NTM: variants seen among roughly 807,000 people sequenced by gnomAD.
NTM encodes IgLON family member 2.
Under a neutral mutation model 42.1 loss-of-function variants are expected in NTM, and 13 were observed. The ratio of observed to expected loss-of-function variants is 0.31; its 90% CI spans 0.20 to 0.49. NTM has a LOEUF of 0.49. NTM is among the 20% of genes least tolerant of loss of function. The pLI, the probability that NTM is intolerant of heterozygous loss-of-function variation, is 0.99. For synonymous variants in NTM, 187 were observed against 179.2 expected (o/e 1.04, Z -0.35); for missense variants, 373 against 452.8 (o/e 0.82, Z 1.60).
chr11:131,672,804 C>T (rs959571067), intron 1 of NTM, among the ~76,000 whole-genome samples: 4 of 150,382 alleles, frequency 2.7e-5, no homozygotes, highest in Admixed American at 6.7e-5. Context: ...AAAGGCTTTG[C>T]GATAAGTTCT....
At position 131,438,680 on chromosome 11, in the gene NTM, G is replaced by A. The variant is rs551496986; in HGVS notation, c.82+67792G>A. On this transcript the variant is annotated intron_variant, in intron 1 of 8. Transcript: ENST00000683400. The stretch of plus-strand genomic sequence containing the variant: ...CACTGTTTATTGTAGTTAGCCATTC[G>A]TCTAATCTTTTTTCAAGGTTTTTAG... 5.1e-4 allele frequency among the ~76,000 whole-genome samples: 77 copies of A among 152,238 alleles called. No individual in the cohort carries two copies. The South Asian group carries it at 7.5e-3, about 15-fold the overall frequency.
At chr11:131,393,053 C>G (rs991137657) in intron 1 of NTM, among the ~76,000 whole-genome samples, 16 of 152,146 alleles carry the variant, frequency 1.1e-4, no homozygotes, top group African/African-American at 3.9e-4. Context: ...CACACCACTC[C>G]CCTGCCGTCA....
chr11:131,379,522 C>A (rs191830573), intron 1 of NTM, among the ~76,000 whole-genome samples: 1 of 152,300 alleles, frequency 6.6e-6, no homozygotes, highest in African/African-American at 2.4e-5. Context: ...GCAATTGAAT[C>A]AACCTCTGTA....
chr11:131,486,924 A>AG (rs1954237643), intron 1 of NTM, among the ~76,000 whole-genome samples: 1 of 152,228 alleles, frequency 6.6e-6, no homozygotes, highest in Non-Finnish European at 1.5e-5. Context: ...GCCCAGAAAG[A>AG]GCCAGAGTGG....
intron 1 of NTM, among the ~76,000 whole-genome samples, chr11:131,883,997 C>T (rs1469195321): frequency 6.6e-6 from 1 of 152,186 alleles, no homozygotes; most frequent in Admixed American, 6.5e-5. Context: ...TTAATAGTTA[C>T]TGAATCCTTA....
intron 7 of NTM, among the ~76,000 whole-genome samples, chr11:132,318,815 G>T (rs559070258): frequency 6.6e-6 from 1 of 152,208 alleles, no homozygotes; most frequent in South Asian, 2.1e-4. Context: ...TTCTGGCCTT[G>T]CAAACTGTCA....
chr11:132,005,661 C>G (rs1182687020), intron 2 of NTM, among the ~76,000 whole-genome samples: 2 of 152,138 alleles, frequency 1.3e-5, no homozygotes, highest in Non-Finnish European at 2.9e-5. Context: ...TCATATCCTA[C>G]CATCCAACAT....
chr11:131,922,456 C>T (rs993701719), intron 2 of NTM, among the ~76,000 whole-genome samples: 1 of 152,240 alleles, frequency 6.6e-6, no homozygotes, highest in African/African-American at 2.4e-5. Flanking sequence ...GGACCACGGC[C>T]AGCTACTCCA....
At chr11:131,779,473 C>G (rs11222788) in intron 1 of NTM, among the ~76,000 whole-genome samples, 25,025 of 152,066 alleles carry the variant, frequency 0.16, 2,632 homozygotes, top group Admixed American at 0.33. Context: ...ATTTTTTAAG[C>G]ACCAGCAATA....
chr11:131,661,552 C>T (rs868009050), intron 1 of NTM, among the ~76,000 whole-genome samples: 2 of 152,124 alleles, frequency 1.3e-5, no homozygotes, highest in African/African-American at 4.8e-5. Context: ...TCTATTCCTG[C>T]CTGGTCGCCG....
chr11:132,207,540 G>T (rs1320928508), intron 3 of NTM, among the ~76,000 whole-genome samples: 1 of 152,126 alleles, frequency 6.6e-6, no homozygotes, highest in African/African-American at 2.4e-5. Flanking sequence ...TAAATGTAAT[G>T]TGCTTGAATC....
Position 131,873,587 on chromosome 11 carries a change from C to T in NTM, c.83-37977C>T, listed in dbSNP as rs567833633. Among the ~76,000 whole-genome samples, 11 of 26,818 alleles carry T rather than the reference C, an allele frequency of 4.1e-4. 3 individuals carry two copies. Among genetic ancestry groups the T allele is most frequent in the Non-Finnish European group, 6.8e-4 (7 of 10,352 alleles). 17.6% of individuals were successfully genotyped at this position (26,818 alleles called of 152,430 possible). A position where few individuals can be genotyped will look rare whatever the true frequency, so the allele number is the denominator to read the frequency against. On this transcript the variant is annotated intron_variant, in intron 1 of 8. Transcript: ENST00000683400. ...CGTATATATATACATATATATATAC[C>T]GTATATATATACATATATATATACC... is the stretch of plus-strand genomic sequence containing the variant.
At chr11:132,169,429 G>A (rs2075820378) in intron 3 of NTM, among the ~76,000 whole-genome samples, 1 of 136,454 alleles carries the variant, frequency 7.3e-6, no homozygotes, top group Admixed American at 8.4e-5. Flanking sequence ...TCTGCCTCCT[G>A]GGTTCAATCA....
At chr11:131,941,257 C>G (rs2059761415) in intron 2 of NTM, among the ~76,000 whole-genome samples, 1 of 152,066 alleles carries the variant, frequency 6.6e-6, no homozygotes, top group South Asian at 2.1e-4. Flanking sequence ...ACCTGTTATC[C>G]TATATCATTT....
At chr11:131,491,619 T>C (rs1005024436) in intron 1 of NTM, among the ~76,000 whole-genome samples, 4 of 152,276 alleles carry the variant, frequency 2.6e-5, no homozygotes, top group Non-Finnish European at 2.9e-5. Context: ...ACATATTAAC[T>C]AATAAAGTAC....
At chr11:131,447,784 T>C (rs929436416) in intron 1 of NTM, among the ~76,000 whole-genome samples, 1 of 152,104 alleles carries the variant, frequency 6.6e-6, no homozygotes, top group Non-Finnish European at 1.5e-5. Context: ...GGGAGACAGA[T>C]GTTTCATTAT....
chr11:131,896,782 G>A (rs1231077908), intron 1 of NTM, among the ~76,000 whole-genome samples: 1 of 147,486 alleles, frequency 6.8e-6, no homozygotes, highest in East Asian at 2.0e-4. Flanking sequence ...TCCGCCTCCC[G>A]GGTTCACGCC....
chr11:131,400,748 C>T (rs746192286), intron 1 of NTM, among the ~76,000 whole-genome samples: 15 of 152,142 alleles, frequency 9.9e-5, no homozygotes, highest in South Asian at 2.1e-4. Flanking sequence ...TACCTAAGTT[C>T]CAGTAAGTAT....
At chr11:131,751,228 G>A (rs1038654074) in intron 1 of NTM, among the ~76,000 whole-genome samples, 1 of 152,076 alleles carries the variant, frequency 6.6e-6, no homozygotes, top group Non-Finnish European at 1.5e-5. Context: ...AAGTTCAGGA[G>A]ATTGAGACCA....
Sources: gnomAD v4.1 joint callset for allele counts (sites outside exome capture counted in the v4.1 genomes callset) on GRCh38, gnomAD v4.1.1 for gene constraint, MANE v1.5 for transcripts, NCBI Gene and HGNC (gene_info 2026-07-23, HGNC 2026-07-21) for gene names.